The following DNAJC3 variants were observed in gnomAD, a reference collection of about 807,000 sequenced individuals.
DNAJC3 encodes DnaJ heat shock protein family (Hsp40) member C3, also known as dnaJ homolog subfamily C member 3.
In DNAJC3, 38 loss-of-function variants were observed where a neutral mutation model predicts 68.6. The ratio of observed to expected loss-of-function variants is 0.55; its 90% CI spans 0.43 to 0.73. The LOEUF is 0.73. DNAJC3 is among the 30% of genes least tolerant of loss of function. The pLI is 0.00. For synonymous variants in DNAJC3, 203 were observed against 204.0 expected, an observed-to-expected ratio of 1.00 and a Z score of 0.04; for missense variants, 526 against 591.9, an observed-to-expected ratio of 0.89 and a Z score of 1.16.
rs566859730 is a variant in DNAJC3 at position 95,748,402 on chromosome 13, T to TC, written c.394-9241dup. Among the ~76,000 whole-genome samples, 195 of 152,354 alleles carry TC rather than the reference T, an allele frequency of 1.3e-3. 1 individual carries two copies. The highest frequency in any genetic ancestry group is 4.4e-3 in the African/African-American group (181 of 41,600). On this transcript the variant is annotated intron_variant, in intron 4 of 11. Coordinates refer to ENST00000602402, the MANE Select transcript of DNAJC3 (RefSeq NM_006260.5). ...TGGATCTGTATCAATTGTAAACAATTCAAACTAACATAATTATATCTATTA... is the reference window on the plus strand; with the variant it reads ...TGGATCTGTATCAATTGTAAACAATTCCAAACTAACATAATTATATCTATTA...
At chr13:95,734,756 G>A (rs1881835738) in intron 4 of DNAJC3, among the ~76,000 whole-genome samples, 3 of 150,060 alleles carry the variant, frequency 2.0e-5, no homozygotes, top group Non-Finnish European at 4.4e-5. Flanking sequence ...TTATTTCAAA[G>A]GACCTGTCTT....
In DNAJC3 at chr13:95,738,426, T is replaced by TA. The variant is rs1480950341; in HGVS notation, c.393+13177dup. On this transcript the variant is annotated intron_variant, in intron 4 of 11. Transcript: ENST00000602402. ...CTGTCTAATGTTGACAGTGGGGTGT[T>TA]AAAGTCTCCCATTATTAATGTGTGG... is the stretch of plus-strand genomic sequence containing the variant. Among the ~76,000 whole-genome samples, 57 of 150,840 alleles carry TA rather than the reference T, an allele frequency of 3.8e-4. 1 individual carries two copies. The highest frequency in any genetic ancestry group is 2.5e-4 in the Non-Finnish European group (17 of 67,690).
intron 2 of DNAJC3, among the ~76,000 whole-genome samples, chr13:95,709,810 T>C (rs1305539909): frequency 2.6e-5 from 4 of 152,040 alleles, no homozygotes; most frequent in Non-Finnish European, 5.9e-5. Context: ...CGGCTAATTT[T>C]TTGTATTTTT....
In DNAJC3 at chr13:95,686,047, C is replaced by T. The variant is rs190342789; in HGVS notation, c.82+8710C>T. 5.9e-5 allele frequency among the ~76,000 whole-genome samples: 9 copies of T among 151,924 alleles called. No homozygotes were observed. The East Asian group carries it at 9.7e-4, about 16-fold the overall frequency. Reference sequence around the variant, plus strand: ...CACGATCTTGGCTCACTGCAAGCTCCGCCTCCCAGGTTCACGCCATTCTCC... The same window carrying T: ...CACGATCTTGGCTCACTGCAAGCTCTGCCTCCCAGGTTCACGCCATTCTCC... On this transcript the variant is annotated intron_variant, in intron 1 of 11. Transcript: ENST00000602402.
intron 9 of DNAJC3, among the ~76,000 whole-genome samples, chr13:95,773,719 A>AATTTTGTTG (rs1176855746): frequency 6.8e-6 from 1 of 146,114 alleles, no homozygotes. Flanking sequence ...AAGTTTGGTC[A>AATTTTGTTG]ATTTTGTTGG....
chr13:95,774,844 T>C (rs1225307483), intron 9 of DNAJC3, among the ~76,000 whole-genome samples: 1 of 152,236 alleles, frequency 6.6e-6, no homozygotes, highest in African/African-American at 2.4e-5. Context: ...TTCATTTACT[T>C]TGAGTGTCTT....
intron 2 of DNAJC3, among the ~76,000 whole-genome samples, chr13:95,709,606 C>T (rs543319779): frequency 1.4e-5 from 2 of 148,114 alleles, no homozygotes; most frequent in Admixed American, 6.7e-5. Context: ...CAGCTTTTCT[C>T]AGTGTATTAT....
chr13:95,710,523 A>G (rs1354591510), intron 2 of DNAJC3, among the ~76,000 whole-genome samples: 1 of 152,134 alleles, frequency 6.6e-6, no homozygotes, highest in Non-Finnish European at 1.5e-5. Flanking sequence ...GAGCCACCAC[A>G]TCTGGCATGG....
chr13:95,743,146 C>G (rs141682785), intron 4 of DNAJC3, among the ~76,000 whole-genome samples: 1,956 of 152,262 alleles, frequency 0.013, 49 homozygotes, highest in African/African-American at 0.045. Context: ...GTGTGTCTGT[C>G]CCTTTGTCAT....
intron 4 of DNAJC3, among the ~76,000 whole-genome samples, chr13:95,727,102 G>A (rs1296043234): frequency 6.6e-6 from 1 of 152,080 alleles, no homozygotes; most frequent in Non-Finnish European, 1.5e-5. Flanking sequence ...TTCAAAGAAC[G>A]TGTTGCATAA....
At chr13:95,704,582 T>C (rs186614466) in intron 1 of DNAJC3, among the ~76,000 whole-genome samples, 1 of 152,276 alleles carries the variant, frequency 6.6e-6, no homozygotes, top group Admixed American at 6.5e-5. Context: ...GCTGTAATGA[T>C]AGGTAATACA....
At chr13:95,731,126 A>G (rs1369741686) in intron 4 of DNAJC3, among the ~76,000 whole-genome samples, 2 of 152,070 alleles carry the variant, frequency 1.3e-5, no homozygotes, top group Non-Finnish European at 2.9e-5. Flanking sequence ...TAGAGATGCT[A>G]TTGATTTTTG....
At chr13:95,709,673 G>A (rs910832238) in intron 2 of DNAJC3, among the ~76,000 whole-genome samples, 1 of 131,392 alleles carries the variant, frequency 7.6e-6, no homozygotes, top group Admixed American at 9.2e-5. Context: ...TCGCTCTGTC[G>A]CTGTCGCCCA....
At chr13:95,745,154 A>G (rs1882264360) in intron 4 of DNAJC3, 1 of 152,234 alleles carries the variant, frequency 6.6e-6, no homozygotes, top group Non-Finnish European at 1.5e-5. Flanking sequence ...ACTTGGGCAT[A>G]CATAATAATG....
intron 1 of DNAJC3, among the ~76,000 whole-genome samples, chr13:95,700,511 A>G (rs932937601): frequency 2.0e-5 from 3 of 152,148 alleles, no homozygotes; most frequent in Non-Finnish European, 4.4e-5. Context: ...GTATTCAGTT[A>G]CTTTTGTGCC....
chr13:95,677,471 C>T, intron 1 of DNAJC3, 134 bp downstream of exon 1: 1 of 905,250 alleles, frequency 1.1e-6, no homozygotes, highest in South Asian at 2.1e-5. Flanking sequence ...CGCGGCCTGG[C>T]TTGGGCCTGA....
At chr13:95,691,011 G>A (rs553108941) in intron 1 of DNAJC3, among the ~76,000 whole-genome samples, 68 of 140,230 alleles carry the variant, frequency 4.8e-4, no homozygotes, top group Non-Finnish European at 9.1e-4. Flanking sequence ...CTGGCCGGGC[G>A]GGGGGCTGAC....
Position 95,791,396 on chromosome 13 carries a change from T to A in DNAJC3, c.*366T>A, listed in dbSNP as rs990730126. ...TGCAGAGTAAGTCAGTGCCTACAAG[T>A]GTAAGAAGGAGCTGTAATCTTCATG... On this transcript the variant is annotated 3_prime_UTR_variant, in exon 12 of 12. Transcript: ENST00000602402. 14 of 245,208 alleles carry A rather than the reference T, an allele frequency of 5.7e-5. No homozygotes were observed. The highest frequency in any genetic ancestry group is 3.1e-4 in the African/African-American group (13 of 42,274). The allele number at this position is 245,208 out of a possible 1,614,324, so 15.2% of individuals were successfully genotyped here.
intron 1 of DNAJC3, among the ~76,000 whole-genome samples, chr13:95,683,131 C>G (rs1477950426): frequency 6.6e-6 from 1 of 152,268 alleles, no homozygotes; most frequent in South Asian, 2.1e-4. Flanking sequence ...ATTGAAGGAG[C>G]TTTTTTTCCC....
Sources: gnomAD v4.1 joint callset for allele counts (sites outside exome capture counted in the v4.1 genomes callset) on GRCh38, gnomAD v4.1.1 for gene constraint, MANE v1.5 for transcripts, NCBI Gene and HGNC (gene_info 2026-07-23, HGNC 2026-07-21) for gene names.